The following ALDH9A1 variants were observed in gnomAD, a reference collection of about 807,000 sequenced individuals.
ALDH9A1 encodes aldehyde dehydrogenase 9 family member A1.
In ALDH9A1, 42 loss-of-function variants were observed where a neutral mutation model predicts 56.6. The observed-to-expected ratio is 0.74, with a 90% confidence interval of 0.58 to 0.96. ALDH9A1 has a LOEUF of 0.96. ALDH9A1 is among the 40% of genes least tolerant of loss of function. The pLI is 0.00. For missense variants in ALDH9A1, 661 were observed against 651.5 expected (o/e 1.01, Z -0.16); for synonymous variants, 242 against 236.0 (o/e 1.03, Z -0.23).
chr1:165,690,742 A>G (rs373961977), intron 2 of ALDH9A1, among the ~76,000 whole-genome samples: 2 of 152,192 alleles, frequency 1.3e-5, no homozygotes, highest in South Asian at 2.1e-4. Context: ...TCCCCCACCC[A>G]TGGAGCTTTG....
chr1:165,679,848 C>A (rs948807709), intron 5 of ALDH9A1, among the ~76,000 whole-genome samples: 1 of 151,696 alleles, frequency 6.6e-6, no homozygotes, highest in Non-Finnish European at 1.5e-5. Flanking sequence ...CCTATCTCTA[C>A]AGAAAAATAA....
intron 2 of ALDH9A1, among the ~76,000 whole-genome samples, chr1:165,688,631 C>A (rs1649787071): frequency 6.6e-6 from 1 of 151,886 alleles, no homozygotes; most frequent in African/African-American, 2.4e-5. Context: ...TCCCTTGAGC[C>A]CAGGAGGTTG....
chr1:165,698,250 C>T (rs1299555902), intron 1 of ALDH9A1, 128 bp downstream of exon 1: 11 of 1,442,208 alleles, frequency 7.6e-6, no homozygotes, highest in African/African-American at 1.5e-5. Flanking sequence ...CACACACAAC[C>T]TTAGACTCTC....
chr1:165,685,385 T>C (rs1227100790), intron 2 of ALDH9A1, among the ~76,000 whole-genome samples: 2 of 152,220 alleles, frequency 1.3e-5, no homozygotes, highest in Admixed American at 1.3e-4. Flanking sequence ...CTATTTAACC[T>C]TTTTGAGCAT....
chr1:165,693,070 T>C (rs1172167852), intron 2 of ALDH9A1, among the ~76,000 whole-genome samples: 11 of 151,940 alleles, frequency 7.2e-5, no homozygotes, highest in Non-Finnish European at 1.5e-4. Context: ...TAATTCAAGA[T>C]GGATTAAAGA....
At chr1:165,687,333 T>C (rs1370478353) in intron 2 of ALDH9A1, among the ~76,000 whole-genome samples, 4 of 151,934 alleles carry the variant, frequency 2.6e-5, no homozygotes, top group African/African-American at 7.3e-5. Context: ...AAATTTTTTT[T>C]CCAAATGAAA....
At position 165,669,391 on chromosome 1, in the gene ALDH9A1, C is replaced by T. The variant is rs1649105912; in HGVS notation, c.990G>A (p.Glu330=). The T allele has an allele frequency of 6.2e-7, 1 of 1,613,824 alleles. No individual in the cohort carries two copies. ...VQKEILDKFT[E]EVVKQTQRIK... is the part of the protein sequence containing the mutation. ...TCCTTTGGGTCTGTTTCACCACTTC[C>T]TCTGTAAATTTATCAAGAATTTCTT... The change falls in exon 7 of 11, where the codon GAG becomes GAA. Residue 330 remains glutamate, a synonymous_variant. Transcript: ENST00000354775.
At chr1:165,663,534 C>A (rs1432880255) in intron 10 of ALDH9A1, among the ~76,000 whole-genome samples, 1 of 152,208 alleles carries the variant, frequency 6.6e-6, no homozygotes, top group African/African-American at 2.4e-5. Context: ...GGCTTATTCA[C>A]CATTTCTTAA....
intron 1 of ALDH9A1, among the ~76,000 whole-genome samples, chr1:165,697,218 A>G (rs1447280867): frequency 6.6e-6 from 1 of 152,234 alleles, no homozygotes; most frequent in Non-Finnish European, 1.5e-5. Flanking sequence ...GCACTGGATT[A>G]AAAAGTTTTA....
At chr1:165,666,475 C>CT (rs1221561227) in intron 9 of ALDH9A1, among the ~76,000 whole-genome samples, 1 of 152,150 alleles carries the variant, frequency 6.6e-6, no homozygotes, top group Admixed American at 6.5e-5. Flanking sequence ...TGTAACCGGA[C>CT]TTTGTCTGTA....
At chr1:165,671,594 A>G in intron 6 of ALDH9A1, 1 of 464,778 alleles carries the variant, frequency 2.2e-6, no homozygotes, top group Non-Finnish European at 4.1e-6. Context: ...GAGGAAGAGA[A>G]AGGATGAGGA....
At chr1:165,674,556 C>G (rs1649287888) in intron 6 of ALDH9A1, among the ~76,000 whole-genome samples, 1 of 151,480 alleles carries the variant, frequency 6.6e-6, no homozygotes, top group Non-Finnish European at 1.5e-5. Context: ...CGTGGTGGCA[C>G]ATGCCTGTAA....
chr1:165,698,384 CT>C lies in ALDH9A1; in HGVS notation c.174del (p.Ala59GlnfsTer5). The C allele has an allele frequency of 6.3e-7, 1 of 1,591,484 alleles. No homozygotes were observed. Among genetic ancestry groups the C allele is most frequent in the Admixed American group, 1.8e-5 (1 of 54,248 alleles). On this transcript the variant is annotated frameshift_variant, in exon 1 of 11. Coordinates refer to ENST00000354775, the MANE Select transcript of ALDH9A1 (RefSeq NM_000696.4). LOFTEE classifies it high-confidence loss of function. ...CCCGGCTCGTTGCAGTTACCGGTTG[CT>C]GGCTCGAAAGCTTTCTCGGTACCGG... ...DASGTEKAFE[P>X]ATGRVIATFT...
intron 2 of ALDH9A1, among the ~76,000 whole-genome samples, chr1:165,690,825 T>C (rs1002336483): frequency 3.3e-5 from 5 of 152,184 alleles, no homozygotes; most frequent in African/African-American, 1.2e-4. Context: ...GCGTCTGCCA[T>C]TCCTGAGGCT....
rs112818714 is a variant in ALDH9A1 at position 165,665,373 on chromosome 1, A to C, written c.1350-243T>G. 1.0e-3 allele frequency among the ~76,000 whole-genome samples: 159 copies of C among 152,350 alleles called. 2 individuals are homozygous for C. The highest frequency in any genetic ancestry group is 3.8e-3 in the African/African-American group (156 of 41,590). ...GGTACCAAAATTCAATGGAGGAAAA[A>C]CAGTCTTTTTAACAAATGGTGCTGA... is the stretch of plus-strand genomic sequence containing the variant. On this transcript the variant is annotated intron_variant, in intron 9 of 10. Transcript: ENST00000354775.
intron 6 of ALDH9A1, chr1:165,676,502 C>G: frequency 3.5e-6 from 1 of 286,308 alleles, no homozygotes; most frequent in Non-Finnish European, 6.6e-6. Context: ...GAAGAGTCTA[C>G]AATGTTACCC....
chr1:165,693,887 TA>T (rs1354710628), intron 2 of ALDH9A1, among the ~76,000 whole-genome samples: 1 of 151,962 alleles, frequency 6.6e-6, no homozygotes, highest in Non-Finnish European at 1.5e-5. Context: ...ATGCAGCCAT[TA>T]AAAAGGATGA....
chr1:165,694,698 T>C (rs1650008589), intron 2 of ALDH9A1, among the ~76,000 whole-genome samples: 1 of 152,194 alleles, frequency 6.6e-6, no homozygotes, highest in African/African-American at 2.4e-5. Flanking sequence ...GGCTCACGCC[T>C]GTAATCCCAG....
chr1:165,671,457 G>A, intron 6 of ALDH9A1: 2 of 446,612 alleles, frequency 4.5e-6, no homozygotes, highest in Non-Finnish European at 8.8e-6. Flanking sequence ...ACATGATGCT[G>A]CACAAGTACG....
Sources: allele counts gnomAD v4.1 joint callset (sites outside exome capture counted in the v4.1 genomes callset), GRCh38; gene constraint gnomAD v4.1.1; transcripts MANE v1.5; gene names NCBI Gene and HGNC (gene_info 2026-07-23, HGNC 2026-07-21).